Variants in PABPC4L observed in about 807,000 individuals in gnomAD.
PABPC4L encodes polyadenylate-binding protein 4-like.
For missense variants in PABPC4L, 452 were observed against 451.4 expected (o/e 1.00, Z -0.01); for synonymous variants, 169 against 164.1 (o/e 1.03, Z -0.23).
chr4:134,025,305 C>CAAAA, the PABPC4L span, among the ~76,000 whole-genome samples: 20 of 45,622 alleles, frequency 4.4e-4, no homozygotes, highest in Non-Finnish European at 5.4e-4. Context: ...GAATTCATCT[C>CAAAA]AAAAAAAAAA....
the PABPC4L span, among the ~76,000 whole-genome samples, chr4:133,983,532 T>C: frequency 2.0e-5 from 3 of 151,796 alleles, no homozygotes; most frequent in Non-Finnish European, 2.9e-5. Context: ...ATTTGATAAT[T>C]AAATGAGAAT....
the PABPC4L span, among the ~76,000 whole-genome samples, chr4:134,017,547 A>C: frequency 2.0e-5 from 3 of 152,030 alleles, no homozygotes; most frequent in Non-Finnish European, 4.4e-5. Flanking sequence ...CTATCCCCAA[A>C]CTGCCACTCT....
At chr4:133,983,299 A>G in the PABPC4L span, among the ~76,000 whole-genome samples, 1 of 151,958 alleles carries the variant, frequency 6.6e-6, no homozygotes, top group Non-Finnish European at 1.5e-5. Context: ...CAGGAAGGTA[A>G]TAACATCTAT....
chr4:134,073,401 C>G, the PABPC4L span, among the ~76,000 whole-genome samples: 1 of 152,194 alleles, frequency 6.6e-6, no homozygotes, highest in African/African-American at 2.4e-5. Flanking sequence ...GAAGTAGGCT[C>G]CATGGCCTTG....
At chr4:134,189,428 T>C in the PABPC4L span, among the ~76,000 whole-genome samples, 1 of 151,556 alleles carries the variant, frequency 6.6e-6, no homozygotes, top group African/African-American at 2.4e-5. Context: ...ATATACATGG[T>C]ATATATGGTA....
the PABPC4L span, among the ~76,000 whole-genome samples, chr4:134,102,605 C>G: frequency 6.6e-6 from 1 of 151,578 alleles, no homozygotes; most frequent in African/African-American, 2.4e-5. Flanking sequence ...TTTGGTTCAA[C>G]AGCCAATCAT....
the PABPC4L span, among the ~76,000 whole-genome samples, chr4:133,985,523 A>G: frequency 6.6e-6 from 1 of 151,996 alleles, no homozygotes; most frequent in Non-Finnish European, 1.5e-5. Flanking sequence ...CATATTCATA[A>G]TTTTTAGAGA....
chr4:134,143,977 T>C, the PABPC4L span, among the ~76,000 whole-genome samples: 1 of 151,568 alleles, frequency 6.6e-6, no homozygotes, highest in African/African-American at 2.4e-5. Flanking sequence ...GCAAAATAGA[T>C]CTTCTGATGA....
the PABPC4L span, among the ~76,000 whole-genome samples, chr4:134,029,506 T>A: frequency 6.6e-6 from 1 of 152,234 alleles, no homozygotes; most frequent in South Asian, 2.1e-4. Flanking sequence ...AAAAATAATT[T>A]TTAAAAGTGG....
chr4:134,012,239 C>A, the PABPC4L span, among the ~76,000 whole-genome samples: 11 of 152,104 alleles, frequency 7.2e-5, no homozygotes, highest in Non-Finnish European at 1.3e-4. Flanking sequence ...CAAGCTAAGC[C>A]ATCATATCCC....
the PABPC4L span, among the ~76,000 whole-genome samples, chr4:134,150,573 T>A: frequency 6.6e-6 from 1 of 152,150 alleles, no homozygotes; most frequent in Non-Finnish European, 1.5e-5. Flanking sequence ...ATTCCTACTT[T>A]GTGGGTGTAT....
At chr4:134,121,348 T>G in the PABPC4L span, among the ~76,000 whole-genome samples, 17 of 151,744 alleles carry the variant, frequency 1.1e-4, no homozygotes, top group South Asian at 6.2e-4. Context: ...TTGTAACATT[T>G]TATTGAATGT....
At chr4:134,177,186 C>CTTT in the PABPC4L span, among the ~76,000 whole-genome samples, 1 of 24,592 alleles carries the variant, frequency 4.1e-5, no homozygotes. Flanking sequence ...CTTTTCTTTT[C>CTTT]TTTTTTTTTT....
At chr4:134,013,254 C>T in the PABPC4L span, among the ~76,000 whole-genome samples, 8 of 151,930 alleles carry the variant, frequency 5.3e-5, no homozygotes, top group Non-Finnish European at 1.2e-4. Context: ...TATCTCTGCA[C>T]CCCAATCCCT....
rs1199641802 is a variant in PABPC4L, at chr4:134,198,421, A to G, written c.*1486T>C. ...AAAGAATATACATATAATTTCTATA[A>G]AAATAAAAGGCAACAAATTTTTCTC... On this transcript the variant is annotated 3_prime_UTR_variant, in exon 2 of 2. Coordinates refer to ENST00000421491, the MANE Select transcript of PABPC4L (RefSeq NM_001114734.2). 1 of 151,690 alleles carries G rather than the reference A, an allele frequency of 6.6e-6. No homozygotes were observed. The highest frequency in any genetic ancestry group is 1.5e-5 in the Non-Finnish European group (1 of 67,700). The allele number at this position is 151,690 out of a possible 1,614,324, so 9.4% of individuals were successfully genotyped here. A position where few individuals can be genotyped will look rare whatever the true frequency, so the allele number is the denominator to read the frequency against.
chr4:134,019,807 A>G, the PABPC4L span, among the ~76,000 whole-genome samples: 2 of 152,126 alleles, frequency 1.3e-5, no homozygotes, highest in East Asian at 3.9e-4. Context: ...TGCTTATCAT[A>G]GTCATTAGTC....
chr4:134,103,017 T>C, the PABPC4L span, among the ~76,000 whole-genome samples: 1 of 151,628 alleles, frequency 6.6e-6, no homozygotes, highest in South Asian at 2.1e-4. Context: ...ATGTGGAAGG[T>C]TCAGAATAAC....
the PABPC4L span, among the ~76,000 whole-genome samples, chr4:134,076,732 C>A: frequency 6.6e-6 from 1 of 152,002 alleles, no homozygotes; most frequent in African/African-American, 2.4e-5. Flanking sequence ...GCATGTGGGT[C>A]TGGAGCTTTG....
the PABPC4L span, among the ~76,000 whole-genome samples, chr4:134,061,266 A>C: frequency 2.6e-5 from 4 of 151,982 alleles, no homozygotes; most frequent in Admixed American, 2.6e-4. Context: ...GAGTGTTTAA[A>C]AAAAACCATA....
Sources: gnomAD v4.1 joint callset for allele counts (sites outside exome capture counted in the v4.1 genomes callset) on GRCh38, gnomAD v4.1.1 for gene constraint, MANE v1.5 for transcripts, NCBI Gene and HGNC (gene_info 2026-07-23, HGNC 2026-07-21) for gene names.